Variants in CNTNAP2 observed in about 807,000 individuals in gnomAD.
CNTNAP2 encodes the protein contactin-associated protein-like 2.
A neutral mutation model predicts 155.2 loss-of-function variants in CNTNAP2; 98 were observed. That is an observed-to-expected ratio of 0.63 (90% confidence interval 0.54 to 0.75). CNTNAP2 has a LOEUF of 0.75. Ranked by LOEUF, CNTNAP2 falls within the 30% of genes least tolerant of loss-of-function variation. The probability of loss-of-function intolerance (pLI) is 0.00; values close to 1 mark genes in which losing one functional copy is unlikely to be tolerated. For synonymous variants in CNTNAP2, 651 were observed against 631.2 expected, an observed-to-expected ratio of 1.03 and a Z score of -0.47; for missense variants, 1,727 against 1,688.1, an observed-to-expected ratio of 1.02 and a Z score of -0.40.
chr7:147,467,708 C>T (rs1206337847), intron 10 of CNTNAP2, among the ~76,000 whole-genome samples: 3 of 152,166 alleles, frequency 2.0e-5, no homozygotes, highest in Non-Finnish European at 2.9e-5. Context: ...TATCCAATAA[C>T]AATTACTCAT....
intron 9 of CNTNAP2, 65 bp from the exon 10 acceptor site, chr7:147,395,544 A>G: frequency 6.5e-7 from 1 of 1,536,378 alleles, no homozygotes; most frequent in Non-Finnish European, 9.0e-7. Flanking sequence ...TAGAATACCC[A>G]CAAGAATTTT....
intron 10 of CNTNAP2, among the ~76,000 whole-genome samples, chr7:147,482,852 C>G (rs1418202146): frequency 6.6e-6 from 1 of 152,000 alleles, no homozygotes; most frequent in African/African-American, 2.4e-5. Context: ...TCGGCACCAG[C>G]CTGACCAACA....
chr7:146,908,879 G>A (rs1391272150), intron 3 of CNTNAP2, among the ~76,000 whole-genome samples: 2 of 147,016 alleles, frequency 1.4e-5, no homozygotes, highest in Non-Finnish European at 3.0e-5. Context: ...TTTTTTGAAA[G>A]GATCAACAAA....
At chr7:147,366,630 C>A (rs1030940876) in intron 9 of CNTNAP2, among the ~76,000 whole-genome samples, 1 of 152,050 alleles carries the variant, frequency 6.6e-6, no homozygotes, top group African/African-American at 2.4e-5. Flanking sequence ...CAATAAATTT[C>A]ACTTAAATCT....
At chr7:147,370,009 T>C (rs1429186963) in intron 9 of CNTNAP2, among the ~76,000 whole-genome samples, 1 of 152,192 alleles carries the variant, frequency 6.6e-6, no homozygotes, top group Non-Finnish European at 1.5e-5. Context: ...CCTTGTTGCT[T>C]CCTGTAGTCC....
chr7:146,810,643 A>G (rs528588098), intron 2 of CNTNAP2, among the ~76,000 whole-genome samples: 1 of 151,972 alleles, frequency 6.6e-6, no homozygotes, highest in South Asian at 2.1e-4. Flanking sequence ...TTTTAAACCC[A>G]ACTGCTCTAA....
intron 8 of CNTNAP2, among the ~76,000 whole-genome samples, chr7:147,160,951 G>T (rs370846046): frequency 3.4e-4 from 52 of 152,090 alleles, no homozygotes; most frequent in African/African-American, 9.9e-4. Context: ...TTTCCTAAAA[G>T]TACTGGGAAA....
chr7:148,365,547 C>G (rs1164985255), intron 21 of CNTNAP2, among the ~76,000 whole-genome samples: 1 of 151,978 alleles, frequency 6.6e-6, no homozygotes, highest in Non-Finnish European at 1.5e-5. Context: ...TGCCTGTAAT[C>G]CCAGCTACTT....
chr7:147,136,514 A>T (rs1801481912), intron 8 of CNTNAP2, among the ~76,000 whole-genome samples: 1 of 151,854 alleles, frequency 6.6e-6, no homozygotes, highest in South Asian at 2.1e-4. Flanking sequence ...ATTGTGTTCC[A>T]TTGGGTGTCT....
At chr7:147,421,797 T>C (rs1489779590) in intron 10 of CNTNAP2, among the ~76,000 whole-genome samples, 1 of 152,038 alleles carries the variant, frequency 6.6e-6, no homozygotes, top group Non-Finnish European at 1.5e-5. Context: ...GAATGAGCTC[T>C]CACTCTGTGT....
At chr7:147,538,601 G>A (rs2116739045) in intron 11 of CNTNAP2, among the ~76,000 whole-genome samples, 1 of 152,170 alleles carries the variant, frequency 6.6e-6, no homozygotes, top group East Asian at 1.9e-4. Flanking sequence ...AATGAGCTGT[G>A]ATCATGCCAC....
chr7:147,016,518 G>C (rs1249003368), intron 3 of CNTNAP2, among the ~76,000 whole-genome samples: 7 of 151,874 alleles, frequency 4.6e-5, no homozygotes, highest in Admixed American at 3.3e-4. Context: ...TTTTCTCAGG[G>C]CCTCTTAATA....
chr7:147,138,613 C>T (rs779227403), intron 8 of CNTNAP2, among the ~76,000 whole-genome samples: 17 of 151,658 alleles, frequency 1.1e-4, no homozygotes, highest in Non-Finnish European at 2.5e-4. Flanking sequence ...CATTTTTCAT[C>T]AATAGAAGCA....
intron 1 of CNTNAP2, among the ~76,000 whole-genome samples, chr7:146,525,361 A>G (rs1797673124): frequency 1.3e-5 from 2 of 152,154 alleles, no homozygotes; most frequent in Admixed American, 1.3e-4. Context: ...TTGGTGGAAA[A>G]CACAAATGGC....
chr7:146,309,075 G>C (rs1800773287), intron 1 of CNTNAP2, among the ~76,000 whole-genome samples: 1 of 152,128 alleles, frequency 6.6e-6, no homozygotes, highest in Non-Finnish European at 1.5e-5. Context: ...TAAATATTGA[G>C]TGCAGGTGGG....
chr7:146,729,493 A>G (rs1432718763), intron 1 of CNTNAP2, among the ~76,000 whole-genome samples: 2 of 152,158 alleles, frequency 1.3e-5, no homozygotes, highest in Non-Finnish European at 2.9e-5. Flanking sequence ...GCACATTTAT[A>G]CTGTTGTGTC....
At chr7:146,590,880 TAGTC>T (rs1176424455) in intron 1 of CNTNAP2, among the ~76,000 whole-genome samples, 4 of 152,218 alleles carry the variant, frequency 2.6e-5, no homozygotes, top group Admixed American at 1.3e-4. Flanking sequence ...GCTACTGTGT[TAGTC>T]AGTTATCCTG....
chr7:148,298,233 G>C (rs1424878207), intron 21 of CNTNAP2, among the ~76,000 whole-genome samples: 1 of 152,076 alleles, frequency 6.6e-6, no homozygotes, highest in Non-Finnish European at 1.5e-5. Context: ...GTGGATGGTG[G>C]GGAGGAGAGT....
chr7:147,852,201 C>A (rs1300058472), intron 13 of CNTNAP2, among the ~76,000 whole-genome samples: 2 of 152,136 alleles, frequency 1.3e-5, no homozygotes, highest in African/African-American at 4.8e-5. Flanking sequence ...ATTATTACAT[C>A]AAAGAAGATC....
Sources: gnomAD v4.1 joint callset for allele counts (sites outside exome capture counted in the v4.1 genomes callset) on GRCh38, gnomAD v4.1.1 for gene constraint, MANE v1.5 for transcripts, NCBI Gene and HGNC (gene_info 2026-07-23, HGNC 2026-07-21) for gene names.